OSBPL6: variants seen among roughly 807,000 people sequenced by gnomAD.
The protein encoded by OSBPL6 is oxysterol binding protein like 6.
In OSBPL6, 49 loss-of-function variants were observed where a neutral mutation model predicts 125.8. The ratio of observed to expected loss-of-function variants is 0.39; its 90% CI spans 0.31 to 0.49. OSBPL6 has a LOEUF of 0.49. Among genes scored for constraint, OSBPL6 ranks in the 20% least tolerant of loss-of-function variants. The pLI, the probability that OSBPL6 is intolerant of heterozygous loss-of-function variation, is 0.88. For missense variants in OSBPL6, 986 were observed against 1,135.4 expected (o/e 0.87, Z 1.89); for synonymous variants, 394 against 391.8 (o/e 1.01, Z -0.07).
At chr2:178,331,428 C>A in intron 5 of OSBPL6, 124 bp from the exon 6 acceptor site, 2 of 1,000,488 alleles carry the variant, frequency 2.0e-6, no homozygotes, top group Non-Finnish European at 1.6e-6. Context: ...TGCACTGAAT[C>A]CAGATACATT....
intron 2 of OSBPL6, among the ~76,000 whole-genome samples, 187 bp downstream of exon 2, chr2:178,285,308 G>A (rs923381716): frequency 8.6e-5 from 13 of 151,622 alleles, no homozygotes; most frequent in African/African-American, 2.7e-4. Context: ...TTTTTTTTAA[G>A]GATAGGAAGT....
chr2:178,237,515 C>T (rs1477200280), intron 1 of OSBPL6, among the ~76,000 whole-genome samples: 1 of 152,174 alleles, frequency 6.6e-6, no homozygotes. Flanking sequence ...CACCTTCCCA[C>T]TCTTGTGAGA....
intron 2 of OSBPL6, among the ~76,000 whole-genome samples, chr2:178,287,289 C>T (rs924111071): frequency 6.6e-6 from 1 of 152,202 alleles, no homozygotes; most frequent in Admixed American, 6.5e-5. Flanking sequence ...ATTTCTCCCC[C>T]CTAGATACAT....
intron 1 of OSBPL6, among the ~76,000 whole-genome samples, chr2:178,209,646 T>G (rs1390780212): frequency 1.3e-5 from 2 of 152,118 alleles, no homozygotes; most frequent in Non-Finnish European, 2.9e-5. Context: ...CTTGCCTGCT[T>G]CTGTTTAAGA....
At chr2:178,320,861 TTTA>T (rs1688176752) in intron 3 of OSBPL6, among the ~76,000 whole-genome samples, 2 of 152,216 alleles carry the variant, frequency 1.3e-5, no homozygotes, top group Non-Finnish European at 2.9e-5. Flanking sequence ...GAGCATGATT[TTTA>T]TAATTCCAAG....
chr2:178,316,149 T>C (rs1414757454), intron 3 of OSBPL6, among the ~76,000 whole-genome samples: 1 of 152,176 alleles, frequency 6.6e-6, no homozygotes, highest in Non-Finnish European at 1.5e-5. Context: ...CTCAAAAATT[T>C]TAATAGCCAG....
At chr2:178,259,157 T>A (rs2091977586) in intron 1 of OSBPL6, among the ~76,000 whole-genome samples, 1 of 152,318 alleles carries the variant, frequency 6.6e-6, no homozygotes, top group African/African-American at 2.4e-5. Context: ...AGCTGAGTCA[T>A]TGGCTAATAT....
chr2:178,316,251 A>C (rs369361335), intron 3 of OSBPL6, among the ~76,000 whole-genome samples: 3 of 152,198 alleles, frequency 2.0e-5, no homozygotes, highest in African/African-American at 4.8e-5. Context: ...ATTTAGTGAT[A>C]TGTATCTAAA....
chr2:178,249,449 G>GA (rs1422224155), intron 1 of OSBPL6, among the ~76,000 whole-genome samples: 3 of 152,118 alleles, frequency 2.0e-5, no homozygotes, highest in Non-Finnish European at 4.4e-5. Flanking sequence ...TTTTCACTAT[G>GA]ATAGTAGTAC....
intron 1 of OSBPL6, among the ~76,000 whole-genome samples, chr2:178,270,704 G>A (rs1261444099): frequency 1.3e-5 from 2 of 152,214 alleles, no homozygotes; most frequent in East Asian, 3.8e-4. Flanking sequence ...TTCTCCCAGA[G>A]ATGGCAATTT....
In OSBPL6 at chr2:178,332,497, A is replaced by G. The variant is rs923647804; in HGVS notation, c.373-144A>G. 9.7e-6 allele frequency: 6 copies of G among 621,026 alleles called. No homozygotes were observed. The African/African-American group carries it at 1.1e-4, about 11-fold the overall frequency. 38.5% of individuals were successfully genotyped at this position (621,026 alleles called of 1,614,324 possible). A position where few individuals can be genotyped will look rare whatever the true frequency, so the allele number is the denominator to read the frequency against. On this transcript the variant is annotated intron_variant, in intron 6 of 24. Coordinates refer to ENST00000190611, the MANE Select transcript of OSBPL6 (RefSeq NM_032523.4). ...CTAGAACCTAATCCATAGAACCTTA[A>G]CTATTTTCTGTTTGTTAAGGAGGTA...
chr2:178,266,656 C>A (rs545121979), intron 1 of OSBPL6, among the ~76,000 whole-genome samples: 3 of 152,300 alleles, frequency 2.0e-5, no homozygotes, highest in Non-Finnish European at 4.4e-5. Flanking sequence ...CCTCAGAGCA[C>A]CGCCCCTCAC....
At chr2:178,291,190 C>A (rs575023428) in intron 2 of OSBPL6, among the ~76,000 whole-genome samples, 1 of 151,954 alleles carries the variant, frequency 6.6e-6, no homozygotes, top group East Asian at 1.9e-4. Flanking sequence ...ATTTTTCTCC[C>A]CAACTCCATT....
Position 178,339,038 on chromosome 2 carries a change from C to A in OSBPL6, c.838C>A (p.Gln280Lys), listed in dbSNP as rs1423737931. ...SNLVELSKLL[Q>K]NLEILQRTQS... ...CCTTGTGGAACTTAGCAAACTCCTG[C>A]AAAATTTGGAAATACTTCAGAGAAC... Residue 280 changes from glutamine (Q) to lysine (K), a missense_variant, in exon 10 of 25, where the codon CAA becomes AAA. Physicochemically the swap from Gln to Lys is moderately conservative, Grantham distance 53 (BLOSUM62 1). Coordinates refer to ENST00000190611, the MANE Select transcript of OSBPL6 (RefSeq NM_032523.4). The A allele has an allele frequency of 1.2e-6, 2 of 1,613,414 alleles. No individual in the cohort carries two copies. The highest frequency in any genetic ancestry group is 1.7e-6 in the Non-Finnish European group (2 of 1,179,702).
At chr2:178,351,046 T>TA (rs534234540) in intron 12 of OSBPL6, among the ~76,000 whole-genome samples, 3,179 of 152,010 alleles carry the variant, frequency 0.021, 101 homozygotes, top group African/African-American at 0.07. Context: ...TCTTTCTTGA[T>TA]AAAAAAAACA....
At chr2:178,341,865 T>G (rs1276456426) in intron 11 of OSBPL6, among the ~76,000 whole-genome samples, 1 of 152,164 alleles carries the variant, frequency 6.6e-6, no homozygotes. Flanking sequence ...ATACTCATTC[T>G]CTACTACTGG....
chr2:178,238,445 A>T (rs2091151620), intron 1 of OSBPL6, among the ~76,000 whole-genome samples: 2 of 152,142 alleles, frequency 1.3e-5, no homozygotes, highest in Non-Finnish European at 2.9e-5. Context: ...AAGACTAGTG[A>T]TCCCAACAGT....
chr2:178,335,745 T>C (rs1413733044), intron 8 of OSBPL6, among the ~76,000 whole-genome samples: 1 of 152,238 alleles, frequency 6.6e-6, no homozygotes, highest in Admixed American at 6.5e-5. Flanking sequence ...ACATAAAATC[T>C]TTTTAATGAG....
intron 1 of OSBPL6, among the ~76,000 whole-genome samples, chr2:178,215,109 A>G (rs1357082024): frequency 6.6e-6 from 1 of 152,020 alleles, no homozygotes; most frequent in Non-Finnish European, 1.5e-5. Context: ...AAAAAAAAAA[A>G]AAAGAAAAAA....
Sources: allele counts gnomAD v4.1 joint callset (sites outside exome capture counted in the v4.1 genomes callset), GRCh38; gene constraint gnomAD v4.1.1; transcripts MANE v1.5; gene names NCBI Gene and HGNC (gene_info 2026-07-23, HGNC 2026-07-21).